Variants in NSUN6 observed in about 807,000 individuals in gnomAD.
NSUN6 encodes the protein tRNA (cytosine(72)-C(5))-methyltransferase NSUN6.
NSUN6 carries 64 observed loss-of-function variants against 58.0 expected under a neutral mutation model. The ratio of observed to expected loss-of-function variants is 1.10; its 90% confidence interval spans 0.90 to 1.36. The LOEUF is 1.36. Ranked by LOEUF, NSUN6 falls within the 40% of genes most tolerant of loss-of-function variation. The probability of loss-of-function intolerance (pLI) is 0.00; values close to 1 mark genes in which losing one functional copy is unlikely to be tolerated. For synonymous variants in NSUN6, 231 were observed against 193.9 expected (o/e 1.19, Z -1.59); for missense variants, 701 against 550.1 (o/e 1.27, Z -2.74).
At chr10:18,558,208 A>G (rs1263026675) in intron 8 of NSUN6, among the ~76,000 whole-genome samples, 1 of 151,412 alleles carries the variant, frequency 6.6e-6, no homozygotes, top group Non-Finnish European at 1.5e-5. Flanking sequence ...GCAATGGAGA[A>G]TGGAATGGGG....
chr10:18,652,459 A>G, upstream of NSUN6: 1 of 984,368 alleles, frequency 1.0e-6, no homozygotes, highest in Non-Finnish European at 1.2e-6. Context: ...ACACACACAT[A>G]GAACAGGTAC....
In NSUN6 at chr10:18,561,745, G is replaced by A. The variant is rs1204697246; in HGVS notation, c.923-9774C>T. On this transcript the variant is annotated intron_variant, in intron 8 of 10. Transcript: ENST00000377304. ...AAAGGAATAGAATATGGAATAGAAT[G>A]GAGAAAGGAATAGAATATGGAATAG... Among the ~76,000 whole-genome samples the A allele has an allele frequency of 1.1e-3, 165 of 148,356 alleles. 2 individuals carry two copies. Among genetic ancestry groups the A allele is most frequent in the African/African-American group, 4.0e-3 (155 of 38,974 alleles).
At chr10:18,589,184 C>G (rs565833819) in intron 7 of NSUN6, among the ~76,000 whole-genome samples, 1 of 152,028 alleles carries the variant, frequency 6.6e-6, no homozygotes. Context: ...CTGAAGATCA[C>G]CTTGCTGAAA....
At chr10:18,619,588 A>C (rs998153265) in intron 3 of NSUN6, among the ~76,000 whole-genome samples, 2 of 152,178 alleles carry the variant, frequency 1.3e-5, no homozygotes, top group Admixed American at 6.5e-5. Flanking sequence ...CTACATTTTT[A>C]ATCACTCAAC....
At chr10:18,586,984 G>C (rs1344685137) in intron 7 of NSUN6, among the ~76,000 whole-genome samples, 2 of 152,110 alleles carry the variant, frequency 1.3e-5, no homozygotes, top group South Asian at 2.1e-4. Flanking sequence ...GTCCCCACTC[G>C]ACCCAGGAAG....
intron 3 of NSUN6, among the ~76,000 whole-genome samples, chr10:18,620,338 C>T (rs1252239589): frequency 1.3e-5 from 2 of 152,072 alleles, no homozygotes; most frequent in Admixed American, 6.6e-5. Context: ...CCGCCCGCCT[C>T]GGCCTCCCAA....
chr10:18,564,233 T>C (rs531428524), intron 8 of NSUN6, among the ~76,000 whole-genome samples: 1 of 151,354 alleles, frequency 6.6e-6, no homozygotes, highest in East Asian at 2.0e-4. Flanking sequence ...CACTCTCTAT[T>C]ACATTCCATT....
intron 2 of NSUN6, among the ~76,000 whole-genome samples, chr10:18,646,018 A>C (rs185991331): frequency 1.3e-5 from 2 of 152,102 alleles, no homozygotes; most frequent in African/African-American, 4.8e-5. Context: ...AACATGGTGA[A>C]ATCCCATCTG....
intron 3 of NSUN6, among the ~76,000 whole-genome samples, chr10:18,622,800 T>A (rs545341930): frequency 4.6e-5 from 7 of 152,250 alleles, no homozygotes; most frequent in Non-Finnish European, 7.3e-5. Context: ...TTGAATTACA[T>A]ATTCAATTGT....
chr10:18,573,227 G>A (rs530499218), intron 8 of NSUN6, among the ~76,000 whole-genome samples: 16 of 141,828 alleles, frequency 1.1e-4, no homozygotes, highest in Non-Finnish European at 2.1e-4. Context: ...TGCATGCTCC[G>A]TTTCATTTCA....
At chr10:18,587,929 G>A (rs141364918) in intron 7 of NSUN6, among the ~76,000 whole-genome samples, 4 of 151,918 alleles carry the variant, frequency 2.6e-5, no homozygotes, top group East Asian at 3.9e-4. Flanking sequence ...AGACAGAACC[G>A]TTTACTCCCC....
chr10:18,623,882 C>T (rs1362715642), intron 3 of NSUN6, among the ~76,000 whole-genome samples: 2 of 152,120 alleles, frequency 1.3e-5, no homozygotes, highest in Non-Finnish European at 2.9e-5. Flanking sequence ...AGAAGATTTG[C>T]AGTACTTCCC....
In NSUN6 at chr10:18,545,793, G is replaced by C; in HGVS notation, c.*140C>G. ...ACTTCCTCTATGTCTCTGGATCCCT[G>C]GTAAAACAGCTGGCAGCCTTTTCTG... On this transcript the variant is annotated 3_prime_UTR_variant, in exon 11 of 11. Transcript: ENST00000377304. 1.6e-6 allele frequency: 1 copy of C among 644,930 alleles called. No homozygotes were observed. The highest frequency in any genetic ancestry group is 1.9e-5 in the African/African-American group (1 of 53,058). The allele number at this position is 644,930 out of a possible 1,614,324, so 40.0% of individuals were successfully genotyped here.
intron 9 of NSUN6, among the ~76,000 whole-genome samples, chr10:18,549,099 G>C (rs909635757): frequency 2.0e-5 from 3 of 152,044 alleles, no homozygotes; most frequent in Non-Finnish European, 4.4e-5. Context: ...TTTTAAGCTT[G>C]TCTCTTCTCA....
At chr10:18,582,521 C>T (rs12355452) in intron 8 of NSUN6, among the ~76,000 whole-genome samples, 5 of 152,086 alleles carry the variant, frequency 3.3e-5, no homozygotes, top group African/African-American at 1.2e-4. Flanking sequence ...TATGAGACAG[C>T]GAGAAGAGCC....
chr10:18,628,719 G>A (rs946125245), intron 3 of NSUN6, among the ~76,000 whole-genome samples: 2 of 152,172 alleles, frequency 1.3e-5, no homozygotes, highest in African/African-American at 2.4e-5. Context: ...AGAATAAAAA[G>A]AAATGAGGAA....
At chr10:18,551,057 T>A (rs2054569266) in intron 9 of NSUN6, among the ~76,000 whole-genome samples, 1 of 152,130 alleles carries the variant, frequency 6.6e-6, no homozygotes, top group African/African-American at 2.4e-5. Flanking sequence ...AAAGAGTAAT[T>A]TATTTTATAT....
intron 8 of NSUN6, among the ~76,000 whole-genome samples, chr10:18,581,622 C>T (rs979804441): frequency 3.9e-5 from 6 of 152,084 alleles, no homozygotes; most frequent in Admixed American, 6.5e-5. Context: ...GTCAAGAGAT[C>T]GAGATCATCG....
chr10:18,626,282 G>A (rs905142156), intron 3 of NSUN6, among the ~76,000 whole-genome samples: 3 of 150,892 alleles, frequency 2.0e-5, no homozygotes, highest in African/African-American at 7.3e-5. Context: ...GCTCCTGCTT[G>A]TAATCCCAAC....
Sources: allele counts gnomAD v4.1 joint callset (sites outside exome capture counted in the v4.1 genomes callset), GRCh38; gene constraint gnomAD v4.1.1; transcripts MANE v1.5; gene names NCBI Gene and HGNC (gene_info 2026-07-23, HGNC 2026-07-21).